Variants in SMARCC1 observed in about 807,000 individuals in gnomAD.
SMARCC1 encodes the protein SWI/SNF complex subunit SMARCC1.
In SMARCC1, 43 loss-of-function variants were observed where a neutral mutation model predicts 147.4. The observed-to-expected ratio is 0.29, with a 90% CI of 0.23 to 0.38. SMARCC1 has a LOEUF of 0.38. Ranked by LOEUF, SMARCC1 falls within the 10% of genes least tolerant of loss-of-function variation. SMARCC1 has a pLI of 1.00. For missense variants in SMARCC1, 1,119 were observed against 1,381.1 expected (o/e 0.81, Z 3.01); for synonymous variants, 495 against 484.4 (o/e 1.02, Z -0.29).
At chr3:47,617,624 A>G (rs2032664731) in intron 25 of SMARCC1, among the ~76,000 whole-genome samples, 1 of 152,222 alleles carries the variant, frequency 6.6e-6, no homozygotes, top group Admixed American at 6.5e-5. Context: ...CAGTAGAAAA[A>G]CATTCATAGC....
At chr3:47,600,998 T>TGAGAGAGATAGAGAGA (rs2032373590) in intron 26 of SMARCC1, among the ~76,000 whole-genome samples, 7 of 85,200 alleles carry the variant, frequency 8.2e-5, no homozygotes, top group African/African-American at 3.6e-4. Context: ...AGGAAGAAAA[T>TGAGAGAGATAGAGAGA]GAGAGAGAGA....
intron 7 of SMARCC1, among the ~76,000 whole-genome samples, chr3:47,716,427 A>AC (rs943495496): frequency 6.6e-6 from 1 of 151,232 alleles, no homozygotes; most frequent in Non-Finnish European, 1.5e-5. Flanking sequence ...AAAAAAAAAA[A>AC]AAAAAAAAAA....
chr3:47,715,327 ACCCTGGC>A (rs2034142917), intron 7 of SMARCC1, among the ~76,000 whole-genome samples: 1 of 152,180 alleles, frequency 6.6e-6, no homozygotes, highest in South Asian at 2.1e-4. Flanking sequence ...TTGCAATGCT[ACCCTGGC>A]CCCAGCGATG....
At chr3:47,726,486 G>A (rs940539960) in intron 6 of SMARCC1, among the ~76,000 whole-genome samples, 5 of 151,990 alleles carry the variant, frequency 3.3e-5, no homozygotes, top group African/African-American at 7.3e-5. Context: ...CTGTTAAGAC[G>A]GTAAACATAA....
chr3:47,664,947 A>T (rs1169706087), intron 19 of SMARCC1, among the ~76,000 whole-genome samples: 1 of 152,188 alleles, frequency 6.6e-6, no homozygotes, highest in Admixed American at 6.5e-5. Flanking sequence ...TTTCTATAAC[A>T]ATAGTTGTCT....
chr3:47,700,127 A>G (rs965100700), intron 11 of SMARCC1, among the ~76,000 whole-genome samples: 3 of 151,988 alleles, frequency 2.0e-5, no homozygotes, highest in Admixed American at 6.6e-5. Flanking sequence ...TCTCCTAATA[A>G]CCAGAAAAGG....
At chr3:47,710,624 AATAACAT>A in intron 9 of SMARCC1, 52 bp downstream of exon 9, 2 of 1,553,694 alleles carry the variant, frequency 1.3e-6, no homozygotes, top group African/African-American at 2.7e-5. Flanking sequence ...ATGAAGATTT[AATAACAT>A]TTAGGCCAAG....
At chr3:47,694,904 C>A (rs1050626157) in intron 11 of SMARCC1, among the ~76,000 whole-genome samples, 6 of 152,184 alleles carry the variant, frequency 3.9e-5, no homozygotes, top group Non-Finnish European at 8.8e-5. Context: ...ATTCTTTATA[C>A]ATTTTTAGGA....
intron 6 of SMARCC1, 129 bp downstream of exon 6, chr3:47,728,896 C>G: frequency 3.8e-6 from 2 of 526,372 alleles, no homozygotes; most frequent in Non-Finnish European, 6.5e-6. Context: ...GGGCGACAGA[C>G]TCCATCTTCA....
At chr3:47,740,691 A>C (rs2034499196) in intron 3 of SMARCC1, among the ~76,000 whole-genome samples, 1 of 151,796 alleles carries the variant, frequency 6.6e-6, no homozygotes, top group Non-Finnish European at 1.5e-5. Flanking sequence ...CCATCAAAGA[A>C]CTATCTTGTT....
intron 3 of SMARCC1, among the ~76,000 whole-genome samples, chr3:47,743,215 G>T (rs186585412): frequency 6.3e-4 from 96 of 152,232 alleles, no homozygotes; most frequent in Admixed American, 3.3e-3. Flanking sequence ...AACAGAGTGG[G>T]GAGTTACTAA....
rs113025130 is a variant in SMARCC1, at chr3:47,781,128, G to C, written c.195+475C>G. 8.0e-3 allele frequency among the ~76,000 whole-genome samples: 1,220 copies of C among 152,248 alleles called. 9 individuals are homozygous for C. The highest frequency in any genetic ancestry group is 0.011 in the Non-Finnish European group (753 of 68,014). On this transcript the variant is annotated intron_variant, in intron 1 of 27. Transcript: ENST00000254480. ...TCGTTAATAGTTCTCATCCATCCTA[G>C]AATTCATATTGCCTGTTATTAATTA... is the stretch of plus-strand genomic sequence containing the variant.
intron 20 of SMARCC1, 151 bp downstream of exon 20, chr3:47,662,183 G>T (rs1409223464): frequency 3.1e-5 from 23 of 750,470 alleles, no homozygotes; most frequent in Non-Finnish European, 4.9e-5. Flanking sequence ...GCCAAATATT[G>T]TAATACTTTT....
chr3:47,596,978 G>A (rs1462867545), intron 26 of SMARCC1, among the ~76,000 whole-genome samples: 4 of 151,818 alleles, frequency 2.6e-5, no homozygotes, highest in African/African-American at 7.3e-5. Context: ...GGCAGATGAC[G>A]AGGTCAGGCA....
At chr3:47,660,520 T>A (rs1273774457) in intron 21 of SMARCC1, among the ~76,000 whole-genome samples, 1 of 147,996 alleles carries the variant, frequency 6.8e-6, no homozygotes, top group African/African-American at 2.5e-5. Context: ...TAATTGGGTA[T>A]ATCCACACAA....
intron 24 of SMARCC1, among the ~76,000 whole-genome samples, chr3:47,629,964 A>C (rs1219621582): frequency 6.6e-6 from 1 of 151,812 alleles, no homozygotes; most frequent in African/African-American, 2.4e-5. Flanking sequence ...AAGGTCTGGC[A>C]ACAGTGGTGA....
At chr3:47,663,960 C>G (rs1050090302) in intron 19 of SMARCC1, 16 of 1,286,506 alleles carry the variant, frequency 1.2e-5, no homozygotes, top group Non-Finnish European at 1.7e-5. Flanking sequence ...TTGAAAGCTC[C>G]GCAGAAATGA....
chr3:47,670,107 T>C (rs188769440), intron 19 of SMARCC1, among the ~76,000 whole-genome samples: 9 of 152,354 alleles, frequency 5.9e-5, no homozygotes, highest in African/African-American at 1.9e-4. Context: ...TTAGCTTCAC[T>C]TAAACATCCT....
At chr3:47,635,027 A>G (rs1264178582) in intron 24 of SMARCC1, among the ~76,000 whole-genome samples, 163 bp downstream of exon 24, 4 of 152,230 alleles carry the variant, frequency 2.6e-5, no homozygotes, top group African/African-American at 9.7e-5. Context: ...CTATTTCTAT[A>G]ACCCTCCTCC....
Sources: gnomAD v4.1 joint callset for allele counts (sites outside exome capture counted in the v4.1 genomes callset) on GRCh38, gnomAD v4.1.1 for gene constraint, MANE v1.5 for transcripts, NCBI Gene and HGNC (gene_info 2026-07-23, HGNC 2026-07-21) for gene names.